Variants in MTA3 observed in about 807,000 individuals in gnomAD.
MTA3 encodes the protein metastasis-associated protein MTA3.
MTA3 carries 34 observed loss-of-function variants against 83.5 expected under a neutral mutation model. The ratio of observed to expected loss-of-function variants is 0.41; its 90% confidence interval spans 0.31 to 0.54. The LOEUF (loss-of-function observed/expected upper bound fraction) is 0.54, where lower values mean the gene tolerates loss of function less well. Among genes scored for constraint, MTA3 ranks in the 20% least tolerant of loss-of-function variants. MTA3 has a pLI of 0.33. For synonymous variants in MTA3, 303 were observed against 252.7 expected (o/e 1.20, Z -1.89); for missense variants, 761 against 726.4 (o/e 1.05, Z -0.55).
rs189333699 is a variant in MTA3, at chr2:42,733,783, A to G, written c.1759+10748A>G. On this transcript the variant is annotated intron_variant, in intron 16 of 16. Coordinates refer to ENST00000405094, the MANE Select transcript of MTA3 (RefSeq NM_001330442.2). ...CCAAAGTGCTGGGATTACAGGTATG[A>G]GCCACTGCACCTGGCCCAGGAGCAT... Among the ~76,000 whole-genome samples, 152 of 152,248 alleles carry G rather than the reference A, an allele frequency of 1.0e-3. 1 individual carries two copies. The Middle Eastern group carries it at 0.038, about 38-fold the overall frequency.
At chr2:42,552,139 C>G (rs941565023) in intron 2 of MTA3, among the ~76,000 whole-genome samples, 1 of 152,112 alleles carries the variant, frequency 6.6e-6, no homozygotes, top group African/African-American at 2.4e-5. Flanking sequence ...TGTATTTGAG[C>G]TGTCAAGCCG....
chr2:42,710,535 G>C (rs997778533), intron 14 of MTA3, among the ~76,000 whole-genome samples: 5 of 122,126 alleles, frequency 4.1e-5, no homozygotes, highest in African/African-American at 1.6e-4. Flanking sequence ...TGGGCAATGA[G>C]CGAAACTTCA....
chr2:42,514,878 T>A lies in MTA3; in HGVS notation c.-141+19624T>A, dbSNP rs78103162. Among the ~76,000 whole-genome samples the A allele has an allele frequency of 3.7e-3, 558 of 150,004 alleles. 10 individuals carry two copies. Among genetic ancestry groups the A allele is most frequent in the African/African-American group, 0.013 (531 of 40,786 alleles). On this transcript the variant is annotated intron_variant, in intron 2 of 17. Transcript: ENST00000405592. Reference sequence around the variant, plus strand: ...AATTTGTTTTTATTTTTTATAGAGATGAGGTTGCCACTGTGTTGCCCAGGC... The same window carrying A: ...AATTTGTTTTTATTTTTTATAGAGAAGAGGTTGCCACTGTGTTGCCCAGGC...
rs772676377 is a variant in MTA3 at position 42,609,541 on chromosome 2, T to C, written c.274T>C (p.Phe92Leu). ...ACATCAGTTGAAACATAGGGAACTC[T>C]TTTTGTCACGCCAGTATGAATCTCT... ...QKHQLKHRELFLSRQYESLPA... is the reference protein window; with the variant it reads ...QKHQLKHRELLLSRQYESLPA... The change falls in exon 4 of 17, where the codon TTT becomes CTT. Residue 92 changes from phenylalanine (F) to leucine (L), a missense_variant. Transcript: ENST00000405094. 1 of 1,613,852 alleles carries C rather than the reference T, an allele frequency of 6.2e-7. No individual in the cohort carries two copies. Among genetic ancestry groups the C allele is most frequent in the Non-Finnish European group, 8.5e-7 (1 of 1,179,798 alleles).
At chr2:42,601,121 G>A (rs550446975) in intron 3 of MTA3, among the ~76,000 whole-genome samples, 1 of 151,904 alleles carries the variant, frequency 6.6e-6, no homozygotes, top group East Asian at 1.9e-4. Flanking sequence ...TGTCCAGGAT[G>A]GTCTCCATCT....
intron 9 of MTA3, among the ~76,000 whole-genome samples, chr2:42,682,916 T>C (rs955452502): frequency 2.0e-5 from 3 of 151,858 alleles, no homozygotes; most frequent in African/African-American, 7.3e-5. Context: ...ACTGAAAATA[T>C]AAAAAACTCG....
chr2:42,751,348 G>T (rs1669858975), intron 16 of MTA3, among the ~76,000 whole-genome samples: 1 of 152,226 alleles, frequency 6.6e-6, no homozygotes, highest in African/African-American at 2.4e-5. Flanking sequence ...TAAACAAAAA[G>T]AGAAATGATT....
intron 16 of MTA3, among the ~76,000 whole-genome samples, chr2:42,739,878 GT>G (rs1242117123): frequency 6.6e-6 from 1 of 152,196 alleles, no homozygotes; most frequent in Non-Finnish European, 1.5e-5. Flanking sequence ...ATCTGTTCAA[GT>G]TTTATCATGA....
chr2:42,742,551 A>T (rs907207223), intron 16 of MTA3, among the ~76,000 whole-genome samples: 2 of 152,244 alleles, frequency 1.3e-5, no homozygotes, highest in African/African-American at 4.8e-5. Context: ...AAGTTGGGGC[A>T]TAGGAGCTAT....
intron 4 of MTA3, among the ~76,000 whole-genome samples, chr2:42,618,984 C>T (rs1325393774): frequency 3.3e-5 from 5 of 152,154 alleles, no homozygotes; most frequent in African/African-American, 1.2e-4. Context: ...ACAGAGGAGC[C>T]TCATTACTTG....
intron 2 of MTA3, among the ~76,000 whole-genome samples, chr2:42,523,901 A>G (rs1018296175): frequency 1.3e-5 from 2 of 152,120 alleles, no homozygotes; most frequent in Non-Finnish European, 2.9e-5. Context: ...TGGGTGAAAG[A>G]GCCAGACCCT....
intron 2 of MTA3, among the ~76,000 whole-genome samples, chr2:42,512,523 T>C (rs143769719): frequency 6.6e-6 from 1 of 152,336 alleles, no homozygotes; most frequent in African/African-American, 2.4e-5. Context: ...CAAAAATCTT[T>C]ATAGCAAAGG....
intron 2 of MTA3, among the ~76,000 whole-genome samples, chr2:42,529,668 A>G (rs577938066): frequency 1.3e-5 from 2 of 152,348 alleles, no homozygotes; most frequent in South Asian, 4.1e-4. Context: ...GGTGTGAGAC[A>G]GGCAATGTGA....
intron 4 of MTA3, among the ~76,000 whole-genome samples, chr2:42,631,440 A>G (rs908185273): frequency 4.6e-5 from 7 of 152,188 alleles, no homozygotes; most frequent in African/African-American, 1.7e-4. Context: ...CACAGTGCAC[A>G]AGAGCATTTG....
chr2:42,584,362 C>G (rs908630063), intron 3 of MTA3, among the ~76,000 whole-genome samples: 2 of 152,156 alleles, frequency 1.3e-5, no homozygotes, highest in African/African-American at 4.8e-5. Context: ...GTACTTACTT[C>G]TAAAAGGTCA....
At chr2:42,739,308 C>G (rs1183680586) in intron 16 of MTA3, among the ~76,000 whole-genome samples, 1 of 152,136 alleles carries the variant, frequency 6.6e-6, no homozygotes, top group Admixed American at 6.5e-5. Flanking sequence ...GCAGGTCCCC[C>G]AGTAAGAGTG....
chr2:42,684,124 C>G (rs1239699889), intron 9 of MTA3, among the ~76,000 whole-genome samples: 3 of 152,060 alleles, frequency 2.0e-5, no homozygotes, highest in South Asian at 4.1e-4. Flanking sequence ...ATAGTATGTA[C>G]TTTGTTTTGT....
intron 6 of MTA3, among the ~76,000 whole-genome samples, chr2:42,649,472 G>A (rs1431238424): frequency 6.6e-6 from 1 of 151,698 alleles, no homozygotes; most frequent in African/African-American, 2.4e-5. Flanking sequence ...AATTAAAATA[G>A]TATATCTTTT....
chr2:42,525,649 T>TC (rs1675674639), intron 2 of MTA3, among the ~76,000 whole-genome samples: 2 of 150,914 alleles, frequency 1.3e-5, no homozygotes, highest in African/African-American at 2.4e-5. Flanking sequence ...TTTCTTTCTT[T>TC]TTTTCCTTCT....
Sources: gnomAD v4.1 joint callset for allele counts (sites outside exome capture counted in the v4.1 genomes callset) on GRCh38, gnomAD v4.1.1 for gene constraint, MANE v1.5 for transcripts, NCBI Gene and HGNC (gene_info 2026-07-23, HGNC 2026-07-21) for gene names.